GPC5: variants seen among roughly 807,000 people sequenced by gnomAD.
The protein encoded by GPC5 is glypican-5.
GPC5 carries 47 observed loss-of-function variants against 53.9 expected under a neutral mutation model. That is an observed-to-expected ratio of 0.87 (90% confidence interval 0.69 to 1.11). GPC5 has a LOEUF of 1.11. GPC5 is among the 50% of genes most tolerant of loss of function. The pLI is 0.00. For synonymous variants in GPC5, 286 were observed against 263.3 expected (o/e 1.09, Z -0.84); for missense variants, 748 against 713.1 (o/e 1.05, Z -0.56).
intron 2 of GPC5, among the ~76,000 whole-genome samples, chr13:91,508,904 T>A (rs1241533861): frequency 6.6e-6 from 1 of 152,122 alleles, no homozygotes; most frequent in Non-Finnish European, 1.5e-5. Context: ...CCAAAAAGCA[T>A]CATTAGGTTA....
intron 5 of GPC5, among the ~76,000 whole-genome samples, chr13:91,809,146 C>G (rs2038270936): frequency 6.6e-6 from 1 of 152,032 alleles, no homozygotes; most frequent in Admixed American, 6.6e-5. Flanking sequence ...ATTTCTGTAC[C>G]TGTGAATGTG....
At chr13:91,438,814 C>T (rs942532655) in intron 1 of GPC5, among the ~76,000 whole-genome samples, 10 of 152,256 alleles carry the variant, frequency 6.6e-5, no homozygotes, top group Non-Finnish European at 4.4e-5. Context: ...CCACCCAGTT[C>T]GAGCTTCCCA....
At chr13:91,471,903 C>A (rs1223005864) in intron 2 of GPC5, among the ~76,000 whole-genome samples, 2 of 152,158 alleles carry the variant, frequency 1.3e-5, no homozygotes, top group Non-Finnish European at 2.9e-5. Flanking sequence ...AGTAACCTAA[C>A]AGATTAGGAT....
intron 5 of GPC5, among the ~76,000 whole-genome samples, chr13:91,814,480 G>T (rs1245002916): frequency 6.6e-6 from 1 of 152,070 alleles, no homozygotes; most frequent in Non-Finnish European, 1.5e-5. Context: ...TCATTTGCAA[G>T]TTCTTAGTGG....
chr13:92,562,669 T>G (rs748508245), intron 7 of GPC5, among the ~76,000 whole-genome samples: 2 of 152,024 alleles, frequency 1.3e-5, no homozygotes, highest in African/African-American at 2.4e-5. Context: ...TGCTTCATCA[T>G]AGGTCTGGGG....
At chr13:92,243,121 G>A (rs1415534152) in intron 7 of GPC5, among the ~76,000 whole-genome samples, 1 of 152,118 alleles carries the variant, frequency 6.6e-6, no homozygotes, top group Non-Finnish European at 1.5e-5. Context: ...CTACAAGCCT[G>A]TATTTGTTTG....
chr13:91,566,563 A>T (rs1289763743), intron 2 of GPC5, among the ~76,000 whole-genome samples: 2 of 152,098 alleles, frequency 1.3e-5, no homozygotes, highest in East Asian at 3.9e-4. Context: ...CTCTGTCTCA[A>T]AAACAAAAAC....
chr13:92,608,151 A>C (rs1297530840), intron 7 of GPC5, among the ~76,000 whole-genome samples: 1 of 152,214 alleles, frequency 6.6e-6, no homozygotes, highest in Non-Finnish European at 1.5e-5. Flanking sequence ...TGTCAACAGT[A>C]GGCTATTAGT....
At chr13:91,459,676 T>C (rs1349561320) in intron 2 of GPC5, among the ~76,000 whole-genome samples, 2 of 151,932 alleles carry the variant, frequency 1.3e-5, no homozygotes, top group Non-Finnish European at 2.9e-5. Context: ...AAGGAGGAAA[T>C]TGGTGGTGTG....
chr13:92,405,499 AATATTCAAAATTCTT>A (rs1276416046), intron 7 of GPC5, among the ~76,000 whole-genome samples: 2 of 152,296 alleles, frequency 1.3e-5, no homozygotes, highest in Non-Finnish European at 2.9e-5. Context: ...ACCTATTTTT[AATATTCAAAATTCTT>A]ATATTCAAAA....
chr13:92,846,882 C>T (rs1878630584), intron 7 of GPC5, among the ~76,000 whole-genome samples: 1 of 152,128 alleles, frequency 6.6e-6, no homozygotes, highest in South Asian at 2.1e-4. Flanking sequence ...AAAAAGTATG[C>T]CCATCTCAAA....
chr13:92,278,635 G>A (rs913259664), intron 7 of GPC5, among the ~76,000 whole-genome samples: 3 of 151,934 alleles, frequency 2.0e-5, no homozygotes, highest in African/African-American at 7.2e-5. Context: ...TTTACCCTGT[G>A]ATTTCTTTCA....
chr13:92,415,730 T>C (rs940800165), intron 7 of GPC5, among the ~76,000 whole-genome samples: 1 of 151,186 alleles, frequency 6.6e-6, no homozygotes, highest in African/African-American at 2.4e-5. Context: ...GTCATTGTAG[T>C]GAGCTACGCA....
At chr13:92,662,060 T>C (rs1260057724) in intron 7 of GPC5, among the ~76,000 whole-genome samples, 1 of 152,214 alleles carries the variant, frequency 6.6e-6, no homozygotes, top group African/African-American at 2.4e-5. Flanking sequence ...TTTTCCAATA[T>C]GTCTGCTATA....
chr13:92,609,162 T>G (rs1007323966), intron 7 of GPC5, among the ~76,000 whole-genome samples: 3 of 152,160 alleles, frequency 2.0e-5, no homozygotes, highest in Admixed American at 1.3e-4. Context: ...TATTGGTATC[T>G]TCCAGCAACT....
intron 7 of GPC5, among the ~76,000 whole-genome samples, chr13:92,382,402 C>T (rs905089715): frequency 6.6e-6 from 1 of 152,108 alleles, no homozygotes; most frequent in Non-Finnish European, 1.5e-5. Context: ...GGTTTCGCAT[C>T]TGTTCTATAA....
intron 7 of GPC5, among the ~76,000 whole-genome samples, chr13:92,488,786 G>A (rs993940199): frequency 8.5e-5 from 13 of 152,176 alleles, no homozygotes; most frequent in Non-Finnish European, 1.9e-4. Context: ...AGCTTTGAAA[G>A]TGAAATTGAC....
chr13:91,718,149 A>C (rs1007906271), intron 3 of GPC5, among the ~76,000 whole-genome samples: 15 of 151,232 alleles, frequency 9.9e-5, no homozygotes, highest in Admixed American at 4.6e-4. Context: ...CTCTCTCTGT[A>C]GCCCAGGCTG....
intron 7 of GPC5, among the ~76,000 whole-genome samples, chr13:92,453,712 T>G (rs1403885160): frequency 6.6e-5 from 10 of 152,172 alleles, no homozygotes; most frequent in Admixed American, 6.6e-4. Flanking sequence ...GGTATGTATT[T>G]GAGGGAAATG....
Sources: allele counts gnomAD v4.1 joint callset (sites outside exome capture counted in the v4.1 genomes callset), GRCh38; gene constraint gnomAD v4.1.1; transcripts MANE v1.5; gene names NCBI Gene and HGNC (gene_info 2026-07-23, HGNC 2026-07-21).